The following HECW1 variants were observed in gnomAD, a reference collection of about 807,000 sequenced individuals.
HECW1 encodes HECT, C2 and WW domain containing E3 ubiquitin protein ligase 1, also known as E3 ubiquitin-protein ligase HECW1.
A neutral mutation model predicts 182.3 loss-of-function variants in HECW1; 61 were observed. The observed-to-expected ratio is 0.33, with a 90% CI of 0.27 to 0.41. The LOEUF (loss-of-function observed/expected upper bound fraction) is 0.41, where lower values mean the gene tolerates loss of function less well. Among genes scored for constraint, HECW1 ranks in the 10% least tolerant of loss-of-function variants. HECW1 has a pLI of 1.00. For synonymous variants in HECW1, 859 were observed against 832.6 expected, an observed-to-expected ratio of 1.03 and a Z score of -0.55; for missense variants, 1,739 against 2,108.9, an observed-to-expected ratio of 0.82 and a Z score of 3.44.
intron 7 of HECW1, 39 bp from the exon 8 acceptor site, chr7:43,407,523 C>T (rs2075651579): frequency 2.6e-6 from 4 of 1,526,612 alleles, no homozygotes; most frequent in Middle Eastern, 1.8e-4. Context: ...GTTAACCTCC[C>T]TAAAACATAT....
intron 17 of HECW1, among the ~76,000 whole-genome samples, chr7:43,480,328 TCTTCCTGCC>T (rs1463983670): frequency 6.6e-6 from 1 of 152,200 alleles, no homozygotes; most frequent in Admixed American, 6.5e-5. Flanking sequence ...TATCCCATAC[TCTTCCTGCC>T]CTTCTTTCTC....
At chr7:43,501,462 G>A in intron 21 of HECW1, 140 bp downstream of exon 21, 1 of 532,570 alleles carries the variant, frequency 1.9e-6, no homozygotes, top group Admixed American at 3.5e-5. Flanking sequence ...ACTCTATCAG[G>A]TTTTGACAAA....
chr7:43,370,549 A>G (rs879570516), intron 6 of HECW1, among the ~76,000 whole-genome samples: 5 of 152,188 alleles, frequency 3.3e-5, no homozygotes, highest in Non-Finnish European at 7.3e-5. Flanking sequence ...ACATCTTCAC[A>G]TGTTTACAGC....
intron 2 of HECW1, among the ~76,000 whole-genome samples, chr7:43,193,968 A>G (rs2152684970): frequency 6.6e-6 from 1 of 152,306 alleles, no homozygotes; most frequent in Non-Finnish European, 1.5e-5. Context: ...TTTGGAGTAA[A>G]ATGCTTTGAT....
At chr7:43,310,879 A>AC (rs1317873310) in intron 3 of HECW1, among the ~76,000 whole-genome samples, 2 of 151,920 alleles carry the variant, frequency 1.3e-5, no homozygotes, top group Admixed American at 6.6e-5. Flanking sequence ...AATAACCAGG[A>AC]CCCCCCAAAA....
chr7:43,559,751 C>T lies in HECW1; in HGVS notation c.4710-2064C>T, dbSNP rs143374881. ...TGCACGGGAATGAGGTAAGCAGGCA[C>T]TCGGTGCTGTCAGAACCACACCTGG... On this transcript the variant is annotated intron_variant, in intron 29 of 29. Coordinates refer to ENST00000395891, the MANE Select transcript of HECW1 (RefSeq NM_015052.5). 9.8e-5 allele frequency among the ~76,000 whole-genome samples: 15 copies of T among 152,300 alleles called. No individual in the cohort carries two copies. The East Asian group carries it at 1.5e-3, about 16-fold the overall frequency.
At position 43,320,641 on chromosome 7, in the gene HECW1, T is replaced by C; in HGVS notation, c.359T>C (p.Val120Ala). ...TCTTCCTCTGGGAATATAGATGAGG[T>C]CTTGTCCGAAAACTTTCTGGACTAT... Reference protein sequence around the residue: ...DWIGMYLIDEVLSENFLDYKN... With the variant: ...DWIGMYLIDEALSENFLDYKN... The change falls in exon 5 of 30, where the codon GTC becomes GCC. Residue 120 changes from valine (V) to alanine (A), a missense_variant. Around this residue, in one of 5 missense-constraint regions of HECW1, gnomAD observed 279 missense variants for 353.1 expected, o/e 0.79. Coordinates refer to ENST00000395891, the MANE Select transcript of HECW1 (RefSeq NM_015052.5). 1.2e-6 allele frequency: 2 copies of C among 1,611,228 alleles called. No homozygotes were observed. The highest frequency in any genetic ancestry group is 3.3e-4 in the Middle Eastern group (2 of 6,060).
intron 5 of HECW1, among the ~76,000 whole-genome samples, chr7:43,336,058 T>C (rs1812141778): frequency 7.3e-6 from 1 of 137,322 alleles, no homozygotes; most frequent in South Asian, 2.5e-4. Context: ...CCTTCCTTCC[T>C]CTCTCTTTCT....
chr7:43,436,343 G>C (rs1319119122), intron 8 of HECW1, among the ~76,000 whole-genome samples: 1 of 152,092 alleles, frequency 6.6e-6, no homozygotes, highest in East Asian at 1.9e-4. Context: ...ACCTTCCCGA[G>C]TCTCCTTTTT....
chr7:43,382,179 G>T (rs191428823), intron 6 of HECW1, among the ~76,000 whole-genome samples: 5 of 152,064 alleles, frequency 3.3e-5, no homozygotes, highest in African/African-American at 1.2e-4. Context: ...CCAGCTGCTC[G>T]GGAGGCTGAG....
chr7:43,355,985 TA>T (rs1277843595), intron 5 of HECW1, among the ~76,000 whole-genome samples: 3 of 151,242 alleles, frequency 2.0e-5, no homozygotes, highest in Non-Finnish European at 2.9e-5. Context: ...AAGACTCCGT[TA>T]AAAAAATAAA....
intron 8 of HECW1, among the ~76,000 whole-genome samples, chr7:43,417,934 A>C (rs1172741669): frequency 6.6e-6 from 1 of 152,202 alleles, no homozygotes; most frequent in African/African-American, 2.4e-5. Context: ...TGAGTGGCTT[A>C]AAACTACAAA....
At chr7:43,221,864 G>T (rs1427813565) in intron 2 of HECW1, among the ~76,000 whole-genome samples, 1 of 152,030 alleles carries the variant, frequency 6.6e-6, no homozygotes, top group Non-Finnish European at 1.5e-5. Flanking sequence ...TTTAATTGTT[G>T]AGCTGATTGC....
intron 8 of HECW1, among the ~76,000 whole-genome samples, chr7:43,425,082 A>G (rs1469140421): frequency 6.6e-6 from 1 of 152,174 alleles, no homozygotes; most frequent in Non-Finnish European, 1.5e-5. Context: ...GGGGGATATT[A>G]TGCAGCCTGC....
chr7:43,186,846 A>C (rs6463174), intron 2 of HECW1, among the ~76,000 whole-genome samples: 36,696 of 152,140 alleles, frequency 0.24, 4,624 homozygotes, highest in Middle Eastern at 0.27. Flanking sequence ...TAGGTTATAT[A>C]ATACAGCCTA....
intron 5 of HECW1, among the ~76,000 whole-genome samples, chr7:43,358,192 G>GT (rs1251953709): frequency 6.6e-6 from 1 of 152,184 alleles, no homozygotes; most frequent in Non-Finnish European, 1.5e-5. Context: ...TACAGGCAGA[G>GT]TAACTCATGC....
intron 24 of HECW1, among the ~76,000 whole-genome samples, chr7:43,535,719 T>C (rs2081156417): frequency 6.6e-6 from 1 of 152,236 alleles, no homozygotes; most frequent in Non-Finnish European, 1.5e-5. Context: ...GGGAACATGA[T>C]GGCACAGAGG....
intron 2 of HECW1, among the ~76,000 whole-genome samples, chr7:43,186,196 C>G (rs1031212617): frequency 2.6e-5 from 4 of 152,202 alleles, no homozygotes; most frequent in African/African-American, 9.7e-5. Flanking sequence ...TTTCTAACCC[C>G]TACATGATTT....
chr7:43,456,188 A>G (rs983363391), intron 12 of HECW1, 109 bp from the exon 13 acceptor site: 7 of 1,162,992 alleles, frequency 6.0e-6, no homozygotes, highest in Non-Finnish European at 8.5e-6. Flanking sequence ...GCCTGCAGCC[A>G]TGAACCAATG....
Sources: allele counts gnomAD v4.1 joint callset (sites outside exome capture counted in the v4.1 genomes callset), GRCh38; gene constraint gnomAD v4.1.1; regional missense constraint gnomAD v4.1.1; transcripts MANE v1.5; gene names NCBI Gene and HGNC (gene_info 2026-07-23, HGNC 2026-07-21).